DENND1B: variants seen among roughly 807,000 people sequenced by gnomAD.
The protein encoded by DENND1B is DENN domain-containing protein 1B.
DENND1B carries 59 observed loss-of-function variants against 90.1 expected under a neutral mutation model. The observed-to-expected ratio is 0.65, with a 90% CI of 0.53 to 0.81. The LOEUF (loss-of-function observed/expected upper bound fraction) is 0.81, where lower values mean the gene tolerates loss of function less well. Among genes scored for constraint, DENND1B ranks in the 40% least tolerant of loss-of-function variants. The probability of loss-of-function intolerance (pLI) is 0.00; values close to 1 mark genes in which losing one functional copy is unlikely to be tolerated. For synonymous variants in DENND1B, 337 were observed against 324.6 expected (o/e 1.04, Z -0.41); for missense variants, 862 against 912.6 (o/e 0.94, Z 0.71).
chr1:197,679,663 TTA>T (rs1403899736), intron 3 of DENND1B, among the ~76,000 whole-genome samples: 2 of 150,192 alleles, frequency 1.3e-5, no homozygotes, highest in Non-Finnish European at 3.0e-5. Flanking sequence ...ATGTATATAT[TTA>T]TATATATTAT....
At chr1:197,623,583 A>T (rs1678370330) in intron 10 of DENND1B, among the ~76,000 whole-genome samples, 1 of 151,540 alleles carries the variant, frequency 6.6e-6, no homozygotes, top group Non-Finnish European at 1.5e-5. Flanking sequence ...TTAAAAATAG[A>T]ATTTATTTCT....
rs924905393 is a variant in DENND1B, at chr1:197,509,642, T to A, written c.*818A>T. 1 of 148,384 alleles carries A rather than the reference T, an allele frequency of 6.7e-6. No homozygotes were observed. Among genetic ancestry groups the A allele is most frequent in the African/African-American group, 2.6e-5 (1 of 38,572 alleles). The allele number at this position is 148,384 out of a possible 1,614,324, so 9.2% of individuals were successfully genotyped here. ...TAAAAAAAGATTTTTTTTTTTTTTT[T>A]TGTCAGGACGGTTTATGTTGTATTT... On this transcript the variant is annotated 3_prime_UTR_variant, in exon 23 of 23. Coordinates refer to ENST00000620048, the MANE Select transcript of DENND1B (RefSeq NM_001195215.2).
chr1:197,640,344 G>A (rs566255396), intron 10 of DENND1B, among the ~76,000 whole-genome samples: 33 of 151,856 alleles, frequency 2.2e-4, no homozygotes, highest in Non-Finnish European at 4.7e-4. Flanking sequence ...GTGGTGGCAG[G>A]CGCCTGTACT....
rs1056109133 is a variant in DENND1B at position 197,506,438 on chromosome 1, A to T, written c.*4022T>A. ...TGGAGGAAACTAGATTTGGGGATTC[A>T]TTTTACATTCTTAAATATTCTGATT... On this transcript the variant is annotated 3_prime_UTR_variant, in exon 23 of 23. Transcript: ENST00000620048. 1 of 151,534 alleles carries T rather than the reference A, an allele frequency of 6.6e-6. No homozygotes were observed. Among genetic ancestry groups the T allele is most frequent in the Non-Finnish European group, 1.5e-5 (1 of 67,610 alleles). The allele number at this position is 151,534 out of a possible 1,614,324, so 9.4% of individuals were successfully genotyped here.
chr1:197,677,107 G>A (rs922241449), intron 3 of DENND1B, among the ~76,000 whole-genome samples: 2 of 152,096 alleles, frequency 1.3e-5, no homozygotes, highest in African/African-American at 2.4e-5. Flanking sequence ...AAGATAAAAT[G>A]AGATGTGTCA....
chr1:197,668,733 C>T (rs939853784), intron 5 of DENND1B, among the ~76,000 whole-genome samples: 1 of 151,818 alleles, frequency 6.6e-6, no homozygotes, highest in African/African-American at 2.4e-5. Flanking sequence ...TACCTTTGTT[C>T]ATACTTTTCT....
chr1:197,694,140 A>G (rs1012138289), intron 3 of DENND1B, among the ~76,000 whole-genome samples: 2 of 151,300 alleles, frequency 1.3e-5, no homozygotes, highest in Non-Finnish European at 3.0e-5. Context: ...AAATCACACC[A>G]AAGAGAAAGG....
intron 3 of DENND1B, among the ~76,000 whole-genome samples, chr1:197,676,057 T>C (rs919582966): frequency 6.3e-5 from 8 of 126,424 alleles, no homozygotes; most frequent in Admixed American, 9.8e-5. Context: ...AGCAGGTCTA[T>C]AGACTAGTGT....
intron 2 of DENND1B, among the ~76,000 whole-genome samples, chr1:197,750,599 T>C (rs1237314581): frequency 2.6e-5 from 4 of 151,788 alleles, no homozygotes; most frequent in Non-Finnish European, 4.4e-5. Flanking sequence ...GATAGATAGA[T>C]AGATAGATAG....
intron 3 of DENND1B, among the ~76,000 whole-genome samples, chr1:197,707,947 A>G (rs1462960035): frequency 8.6e-5 from 13 of 151,852 alleles, no homozygotes; most frequent in African/African-American, 1.5e-4. Flanking sequence ...TTCCCTTTCC[A>G]AGTCAAAGAA....
intron 2 of DENND1B, chr1:197,734,282 AAAGTTAAACACATT>A (rs1205057357): frequency 1.1e-6 from 1 of 935,060 alleles, no homozygotes; most frequent in Non-Finnish European, 1.3e-6. Flanking sequence ...TAACCTGTAA[AAAGTTAAACACATT>A]AGATAAATTT....
intron 7 of DENND1B, among the ~76,000 whole-genome samples, chr1:197,651,015 G>A (rs1243499694): frequency 6.6e-6 from 1 of 151,718 alleles, no homozygotes; most frequent in Admixed American, 6.6e-5. Flanking sequence ...ATAACTTATG[G>A]AAAAATTAAA....
chr1:197,693,728 G>T (rs901372945), intron 3 of DENND1B, among the ~76,000 whole-genome samples: 1 of 151,242 alleles, frequency 6.6e-6, no homozygotes, highest in Non-Finnish European at 1.5e-5. Flanking sequence ...GTTTCTCCTA[G>T]CTTTTCTTTG....
chr1:197,578,638 T>C (rs1438614903), intron 15 of DENND1B, among the ~76,000 whole-genome samples: 1 of 152,198 alleles, frequency 6.6e-6, no homozygotes, highest in African/African-American at 2.4e-5. Context: ...ACAATGTGTA[T>C]GTGTGTATCA....
chr1:197,779,943 A>G (rs922723934), upstream of DENND1B, among the ~76,000 whole-genome samples: 4 of 152,174 alleles, frequency 2.6e-5, no homozygotes, highest in Non-Finnish European at 5.9e-5. Context: ...AGAACTTTAT[A>G]TATAGAAATT....
intron 15 of DENND1B, among the ~76,000 whole-genome samples, chr1:197,567,555 C>T (rs965740266): frequency 1.3e-5 from 2 of 152,062 alleles, no homozygotes; most frequent in African/African-American, 4.8e-5. Flanking sequence ...GAATTACATC[C>T]AATGTCCCTT....
intron 10 of DENND1B, among the ~76,000 whole-genome samples, chr1:197,628,967 C>T (rs1679059548): frequency 6.6e-6 from 1 of 152,052 alleles, no homozygotes; most frequent in Admixed American, 6.6e-5. Context: ...CAAATAAAAA[C>T]CACAATGAGA....
intron 10 of DENND1B, among the ~76,000 whole-genome samples, chr1:197,627,749 G>A (rs1678906785): frequency 6.6e-6 from 1 of 152,138 alleles, no homozygotes; most frequent in Admixed American, 6.6e-5. Context: ...GTCCCTGTTT[G>A]CAGATGACAT....
chr1:197,722,945 A>G (rs1489760671), intron 2 of DENND1B, among the ~76,000 whole-genome samples: 2 of 152,200 alleles, frequency 1.3e-5, no homozygotes, highest in Non-Finnish European at 2.9e-5. Flanking sequence ...CGAATAAGCC[A>G]TCCTGGAAAA....
Sources: allele counts gnomAD v4.1 joint callset (sites outside exome capture counted in the v4.1 genomes callset), GRCh38; gene constraint gnomAD v4.1.1; transcripts MANE v1.5; gene names NCBI Gene and HGNC (gene_info 2026-07-23, HGNC 2026-07-21).